Variants in IKZF3 observed in about 807,000 individuals in gnomAD.
IKZF3 encodes the protein IKAROS family zinc finger 3, also known as zinc finger protein Aiolos.
Under a neutral mutation model 49.0 loss-of-function variants are expected in IKZF3, and 10 were observed. That is an observed-to-expected ratio of 0.20 (90% CI 0.13 to 0.35). IKZF3 has a LOEUF of 0.35. Ranked by LOEUF, IKZF3 falls within the 10% of genes least tolerant of loss-of-function variation. The pLI is 1.00. For missense variants in IKZF3, 498 were observed against 664.8 expected (o/e 0.75, Z 2.76); for synonymous variants, 209 against 228.2 (o/e 0.92, Z 0.76).
chr17:39,852,463 A>G (rs1276970180), intron 1 of IKZF3, among the ~76,000 whole-genome samples: 2 of 152,130 alleles, frequency 1.3e-5, no homozygotes. Flanking sequence ...CACATTCAAC[A>G]TAGCTGACCA....
At chr17:39,852,148 C>T (rs1258130762) in intron 1 of IKZF3, among the ~76,000 whole-genome samples, 1 of 152,180 alleles carries the variant, frequency 6.6e-6, no homozygotes, top group Non-Finnish European at 1.5e-5. Flanking sequence ...TAAACTTACA[C>T]TACAGATAGT....
intron 3 of IKZF3, among the ~76,000 whole-genome samples, chr17:39,798,087 C>T (rs1221898126): frequency 6.6e-6 from 1 of 152,090 alleles, no homozygotes; most frequent in Non-Finnish European, 1.5e-5. Context: ...TGTATCCAAT[C>T]TCTAATCTGT....
chr17:39,790,372 T>A (rs1325250554), intron 5 of IKZF3, among the ~76,000 whole-genome samples: 1 of 152,220 alleles, frequency 6.6e-6, no homozygotes, highest in African/African-American at 2.4e-5. Context: ...AAACTCATCC[T>A]TAATTCACTA....
At chr17:39,792,580 A>G (rs562402060) in intron 4 of IKZF3, 93 bp downstream of exon 4, 3 of 1,333,022 alleles carry the variant, frequency 2.3e-6, no homozygotes, top group Non-Finnish European at 3.1e-6. Flanking sequence ...AAAATCAATG[A>G]AAGTAACCAA....
intron 7 of IKZF3, among the ~76,000 whole-genome samples, chr17:39,773,166 A>G (rs907841586): frequency 6.6e-6 from 1 of 152,144 alleles, no homozygotes; most frequent in East Asian, 1.9e-4. Flanking sequence ...AGCCCCGCGC[A>G]TGACATGCAC....
intron 1 of IKZF3, among the ~76,000 whole-genome samples, chr17:39,844,877 C>T (rs1249013326): frequency 2.0e-5 from 3 of 152,166 alleles, no homozygotes; most frequent in Non-Finnish European, 4.4e-5. Context: ...CTGCCTCAGG[C>T]TCCCAGATCA....
intron 6 of IKZF3, among the ~76,000 whole-genome samples, chr17:39,782,441 T>C (rs572987595): frequency 6.6e-6 from 1 of 151,980 alleles, no homozygotes; most frequent in East Asian, 1.9e-4. Context: ...ATATCACACA[T>C]ACACAAAGAA....
At chr17:39,789,688 G>A (rs1234056042) in intron 5 of IKZF3, among the ~76,000 whole-genome samples, 10 of 145,466 alleles carry the variant, frequency 6.9e-5, no homozygotes, top group Non-Finnish European at 1.1e-4. Context: ...AGATGGCGCC[G>A]CTGTACTCCA....
At chr17:39,818,816 C>T (rs1451935070) in intron 3 of IKZF3, among the ~76,000 whole-genome samples, 1 of 152,198 alleles carries the variant, frequency 6.6e-6, no homozygotes, top group Non-Finnish European at 1.5e-5. Context: ...TGAGCTCGCA[C>T]CACCGCACTC....
chr17:39,859,202 T>C (rs1350959061), intron 1 of IKZF3, among the ~76,000 whole-genome samples: 1 of 151,908 alleles, frequency 6.6e-6, no homozygotes, highest in African/African-American at 2.4e-5. Flanking sequence ...AATAACCTCA[T>C]TCAGAATCAC....
At chr17:39,776,521 T>A (rs9901483) in intron 7 of IKZF3, among the ~76,000 whole-genome samples, 14,097 of 152,178 alleles carry the variant, frequency 0.093, 1,336 homozygotes, top group African/African-American at 0.25. Flanking sequence ...TACCAACTTT[T>A]CTCTGACACA....
chr17:39,782,402 C>A (rs2060765461), intron 6 of IKZF3, among the ~76,000 whole-genome samples: 1 of 150,356 alleles, frequency 6.7e-6, no homozygotes, highest in Admixed American at 6.6e-5. Context: ...TAAACAACAA[C>A]AACAACAACA....
intron 1 of IKZF3, among the ~76,000 whole-genome samples, chr17:39,845,096 A>T (rs2062591463): frequency 6.6e-6 from 1 of 152,164 alleles, no homozygotes; most frequent in South Asian, 2.1e-4. Flanking sequence ...GGTTTTGCAA[A>T]CTATGGCTCA....
chr17:39,859,580 G>C (rs2063160384), intron 1 of IKZF3, among the ~76,000 whole-genome samples: 1 of 151,804 alleles, frequency 6.6e-6, no homozygotes, highest in South Asian at 2.1e-4. Flanking sequence ...GTAGAGTCAG[G>C]GTTTTACCAT....
At chr17:39,778,176 A>G in intron 6 of IKZF3, 3 of 987,594 alleles carry the variant, frequency 3.0e-6, no homozygotes, top group Non-Finnish European at 3.6e-6. Context: ...AAAAAAAAGC[A>G]TGGTGCCCCA....
chr17:39,822,140 A>T (rs2061825148), intron 3 of IKZF3, among the ~76,000 whole-genome samples: 1 of 152,198 alleles, frequency 6.6e-6, no homozygotes, highest in African/African-American at 2.4e-5. Context: ...TTCAATGCCA[A>T]CTGGAATACC....
At chr17:39,773,503 T>C (rs2060496377) in intron 7 of IKZF3, among the ~76,000 whole-genome samples, 1 of 152,246 alleles carries the variant, frequency 6.6e-6, no homozygotes, top group African/African-American at 2.4e-5. Flanking sequence ...GGAGATCCGA[T>C]GGTTTGTTGA....
At chr17:39,834,971 G>C (rs1278627878) in intron 1 of IKZF3, 1 of 401,172 alleles carries the variant, frequency 2.5e-6, no homozygotes, top group Non-Finnish European at 4.8e-6. Context: ...TTTCACCTGG[G>C]CAGGACATCA....
intron 1 of IKZF3, among the ~76,000 whole-genome samples, chr17:39,861,117 C>G (rs1482777798): frequency 2.6e-5 from 4 of 152,198 alleles, no homozygotes; most frequent in South Asian, 2.1e-4. Flanking sequence ...TGAGGGCCTT[C>G]TATGAACCAG....
Sources: allele counts gnomAD v4.1 joint callset (sites outside exome capture counted in the v4.1 genomes callset), GRCh38; gene constraint gnomAD v4.1.1; transcripts MANE v1.5; gene names NCBI Gene and HGNC (gene_info 2026-07-23, HGNC 2026-07-21).